Variants in RAD21L1 observed in about 807,000 individuals in gnomAD.
RAD21L1 encodes the protein RAD21 cohesin complex component like 1, also known as double-strand-break repair protein rad21-like protein 1.
RAD21L1 carries 47 observed loss-of-function variants against 69.0 expected under a neutral mutation model. The observed-to-expected ratio is 0.68, with a 90% CI of 0.54 to 0.87. The LOEUF (loss-of-function observed/expected upper bound fraction) is 0.87. Among genes scored for constraint, RAD21L1 ranks in the 40% least tolerant of loss-of-function variants. The probability of loss-of-function intolerance (pLI) is 0.00; values close to 1 mark genes in which losing one functional copy is unlikely to be tolerated. For synonymous variants in RAD21L1, 177 were observed against 205.8 expected (o/e 0.86, Z 1.20); for missense variants, 583 against 647.6 (o/e 0.90, Z 1.08).
intron 1 of RAD21L1, 92 bp from the exon 2 acceptor site, chr20:1,228,330 A>C: frequency 1.7e-6 from 1 of 576,760 alleles, no homozygotes; most frequent in South Asian, 3.2e-5. Flanking sequence ...ACATAATCTG[A>C]ATGTTATTTT....
intron 5 of RAD21L1, among the ~76,000 whole-genome samples, chr20:1,234,545 G>A (rs1253371916): frequency 1.3e-5 from 2 of 152,104 alleles, no homozygotes. Context: ...ATACATACAA[G>A]ATTTTATATG....
intron 10 of RAD21L1, 67 bp from the exon 11 acceptor site, chr20:1,243,979 A>C: frequency 7.2e-7 from 1 of 1,389,464 alleles, no homozygotes; most frequent in Non-Finnish European, 9.9e-7. Flanking sequence ...CTTTTGTTAC[A>C]ACCATATCAC....
chr20:1,235,302 C>T (rs991099888), intron 5 of RAD21L1, among the ~76,000 whole-genome samples: 20 of 152,090 alleles, frequency 1.3e-4, no homozygotes, highest in Non-Finnish European at 5.9e-5. Context: ...GCTTGAGCGA[C>T]ATCTCTAACC....
intron 11 of RAD21L1, 106 bp downstream of exon 11, chr20:1,244,276 C>A: frequency 1.3e-6 from 1 of 782,240 alleles, no homozygotes. Context: ...GTTCATATTT[C>A]ATTTTAAATT....
In RAD21L1 at chr20:1,250,710, A is replaced by G. The variant is rs529689217; in HGVS notation, c.1479+2007A>G. Reference sequence around the variant, plus strand: ...ATAGCAGCATGATTTATAATCCTTTACTTCATTTTTTTATTTGCTCAGTGT... The same window carrying G: ...ATAGCAGCATGATTTATAATCCTTTGCTTCATTTTTTTATTTGCTCAGTGT... On this transcript the variant is annotated intron_variant, in intron 13 of 13. Coordinates refer to ENST00000683101, the MANE Select transcript of RAD21L1 (RefSeq NM_001384355.1). Among the ~76,000 whole-genome samples the G allele has an allele frequency of 1.3e-5, 2 of 152,188 alleles. 1 individual carries two copies. Among genetic ancestry groups the G allele is most frequent in the African/African-American group, 4.8e-5 (2 of 41,520 alleles).
chr20:1,244,293 C>A, intron 11 of RAD21L1, 123 bp downstream of exon 11: 2 of 725,152 alleles, frequency 2.8e-6, no homozygotes, highest in Non-Finnish European at 4.1e-6. Context: ...AATTGTTTTG[C>A]AATTTGTTTA....
chr20:1,231,404 G>A, intron 3 of RAD21L1, 122 bp from the exon 4 acceptor site: 1 of 655,232 alleles, frequency 1.5e-6, no homozygotes, highest in Non-Finnish European at 2.7e-6. Context: ...AAGGGTAGGA[G>A]TAGATAGAGG....
chr20:1,246,193 T>G lies in RAD21L1; in HGVS notation c.1309-20T>G. The G allele has an allele frequency of 6.9e-7, 1 of 1,449,804 alleles. No homozygotes were observed. Among genetic ancestry groups the G allele is most frequent in the Non-Finnish European group, 9.3e-7 (1 of 1,072,408 alleles). 89.8% of individuals were successfully genotyped at this position (1,449,804 alleles called of 1,614,324 possible). On this transcript the variant is annotated intron_variant, in intron 11 of 13. Coordinates refer to ENST00000683101, the MANE Select transcript of RAD21L1 (RefSeq NM_001384355.1). This position sits in a 1 kb window ranked among gnomAD's most constrained non-coding sequence, Gnocchi z 4.6. ...AACCACTGGCAGATTTACCTAACTT[T>G]CCCTAATTTGCTTCAGCAGGATATT...
In RAD21L1 at chr20:1,246,664, AT is replaced by A. The variant is rs1345055489; in HGVS notation, c.1401+362del. ...CTATATTAAGAGTATGGCCTAGGGC[AT>A]TTGAAATTTTATCTTATTTACAAAA... is the stretch of plus-strand genomic sequence containing the variant. On this transcript the variant is annotated intron_variant, in intron 12 of 13. Transcript: ENST00000683101. The surrounding 1 kb of genome is among the most constrained non-coding windows in gnomAD (Gnocchi z 4.6). Among the ~76,000 whole-genome samples, 1 of 152,138 alleles carries A rather than the reference AT, an allele frequency of 6.6e-6. No individual in the cohort carries two copies. Among genetic ancestry groups the A allele is most frequent in the East Asian group, 1.9e-4 (1 of 5,196 alleles).
intron 11 of RAD21L1, 145 bp downstream of exon 11, chr20:1,244,315 G>T: frequency 3.4e-6 from 2 of 594,698 alleles, no homozygotes; most frequent in Non-Finnish European, 2.7e-6. Context: ...TAAGTAGCAG[G>T]GTAAAACATG....
At chr20:1,227,371 G>A (rs1211017389) in intron 1 of RAD21L1, among the ~76,000 whole-genome samples, 1 of 152,246 alleles carries the variant, frequency 6.6e-6, no homozygotes, top group African/African-American at 2.4e-5. Context: ...TGCCCCGTAG[G>A]GGAACATGGT....
intron 13 of RAD21L1, among the ~76,000 whole-genome samples, chr20:1,249,946 G>T (rs1452726270): frequency 6.6e-6 from 1 of 151,358 alleles, no homozygotes; most frequent in Non-Finnish European, 1.5e-5. Context: ...ATGTTGGTGT[G>T]CTGCACCCAT....
rs1049853392 is a variant in RAD21L1 at position 1,254,304 on chromosome 20, G to T, written c.1515G>T (p.Leu505=). 6.5e-7 allele frequency: 1 copy of T among 1,550,046 alleles called. No individual in the cohort carries two copies. The highest frequency in any genetic ancestry group is 8.7e-7 in the Non-Finnish European group (1 of 1,146,276). ...SNKMGMQSFS[L]MKLCRNSDRK... ...AGATGGGAATGCAGTCCTTTAGTCT[G>T]ATGAAGCTCTGTAGAAATAGTGACC... Residue 505 remains leucine (L), a synonymous_variant, in exon 14 of 14, where the codon CTG becomes CTT. Transcript: ENST00000683101.
chr20:1,231,409 T>G, intron 3 of RAD21L1, 117 bp from the exon 4 acceptor site: 1 of 659,084 alleles, frequency 1.5e-6, no homozygotes, highest in East Asian at 2.8e-5. Flanking sequence ...TAGGAGTAGA[T>G]AGAGGAAAAC....
At chr20:1,231,389 T>G (rs564725328) in intron 3 of RAD21L1, 137 bp from the exon 4 acceptor site, 1 of 624,742 alleles carries the variant, frequency 1.6e-6, no homozygotes, top group East Asian at 3.0e-5. Flanking sequence ...GAGAATGGAC[T>G]ACACAAGGGT....
chr20:1,253,194 G>A (rs1352591058), intron 13 of RAD21L1, among the ~76,000 whole-genome samples: 3 of 152,164 alleles, frequency 2.0e-5, no homozygotes, highest in Admixed American at 2.0e-4. Context: ...TGACTGTTAT[G>A]GACAAGCAAA....
intron 9 of RAD21L1, 81 bp from the exon 10 acceptor site, chr20:1,243,016 C>T (rs540775998): frequency 4.0e-6 from 4 of 1,000,494 alleles, no homozygotes; most frequent in East Asian, 5.3e-5. Context: ...ATAGTTTTTC[C>T]TTTTTAGATA....
In RAD21L1 at chr20:1,238,588, G is replaced by A. The variant is rs558886252; in HGVS notation, c.646+374G>A. 7.2e-5 allele frequency among the ~76,000 whole-genome samples: 11 copies of A among 151,930 alleles called. No individual in the cohort carries two copies. In the South Asian group the frequency reaches 2.3e-3, roughly 32 times the overall value. Reference sequence around the variant, plus strand: ...TGTGGGGCAGCTAAGTTATTTTCCAGAATTTTATATTATTATTTTATATTT... The same window carrying A: ...TGTGGGGCAGCTAAGTTATTTTCCAAAATTTTATATTATTATTTTATATTT... On this transcript the variant is annotated intron_variant, in intron 6 of 13. Transcript: ENST00000683101.
chr20:1,226,983 C>T (rs1303816665), intron 1 of RAD21L1, among the ~76,000 whole-genome samples: 8 of 152,184 alleles, frequency 5.3e-5, no homozygotes, highest in Non-Finnish European at 1.2e-4. Context: ...GATCGCGGCT[C>T]ATTGCAGCCT....
Sources: gnomAD v4.1 joint callset for allele counts (sites outside exome capture counted in the v4.1 genomes callset) on GRCh38, gnomAD v4.1.1 for gene constraint, Gnocchi (gnomAD v3.1) non-coding constraint, MANE v1.5 for transcripts, NCBI Gene and HGNC (gene_info 2026-07-23, HGNC 2026-07-21) for gene names.